The following SYNC variants were observed in gnomAD, a reference collection of about 807,000 sequenced individuals.
SYNC encodes the protein syncoilin, intermediate filament protein.
SYNC carries 38 observed loss-of-function variants against 49.5 expected under a neutral mutation model. That is an observed-to-expected ratio of 0.77 (90% CI 0.59 to 1.01). The LOEUF (loss-of-function observed/expected upper bound fraction) is 1.01, where lower values mean the gene tolerates loss of function less well. SYNC is among the 50% of genes least tolerant of loss of function. The probability of loss-of-function intolerance (pLI) is 0.00; values close to 1 mark genes in which losing one functional copy is unlikely to be tolerated. For missense variants in SYNC, 579 were observed against 580.6 expected (o/e 1.00, Z 0.03); for synonymous variants, 201 against 230.8 (o/e 0.87, Z 1.17).
chr1:32,689,235 CTTTTTTTTTTTTTTT>C lies in SYNC; in HGVS notation c.1234-4868_1234-4854del, dbSNP rs71006360. Among the ~76,000 whole-genome samples the C allele has an allele frequency of 4.8e-5, 2 of 41,536 alleles. 1 individual carries two copies. The highest frequency in any genetic ancestry group is 9.8e-5 in the Non-Finnish European group (2 of 20,370). The allele number at this position is 41,536 out of a possible 152,430, so 27.2% of individuals were successfully genotyped here. ...ACAGGCGTGAGGCACCTCGCCTGGC[CTTTTTTTTTTTTTTT>C]TTTTTTTTTTTTTTGAGGTGAGTCA... On this transcript the variant is annotated intron_variant, in intron 2 of 4. Transcript: ENST00000409190.
chr1:32,696,456 CT>C (rs1052761129), intron 1 of SYNC, among the ~76,000 whole-genome samples: 13 of 147,922 alleles, frequency 8.8e-5, no homozygotes, highest in Admixed American at 1.4e-4. Context: ...ACCACCACGC[CT>C]TTTTTTTTTG....
At chr1:32,699,728 C>CTTTTT (rs58903413) in intron 1 of SYNC, among the ~76,000 whole-genome samples, 4 of 125,982 alleles carry the variant, frequency 3.2e-5, no homozygotes, top group African/African-American at 2.9e-5. Context: ...CCAAACATAC[C>CTTTTT]TTTTTTTTTT....
intron 2 of SYNC, among the ~76,000 whole-genome samples, chr1:32,687,834 A>AT (rs1649943031): frequency 2.1e-4 from 1 of 4,762 alleles, no homozygotes; most frequent in Non-Finnish European, 1.5e-3. Context: ...TGCCCAGTGA[A>AT]TTATTATTAT....
At chr1:32,690,912 C>A (rs1039725549) in intron 2 of SYNC, among the ~76,000 whole-genome samples, 2 of 151,966 alleles carry the variant, frequency 1.3e-5, no homozygotes, top group African/African-American at 4.8e-5. Context: ...TACGGTGAAA[C>A]CCCGTCCCTA....
chr1:32,703,110 G>C (rs1412007164), upstream of SYNC: 1 of 152,066 alleles, frequency 6.6e-6, no homozygotes, highest in Non-Finnish European at 1.5e-5. Flanking sequence ...CGAGTGTTTG[G>C]GGGTGTCCGC....
chr1:32,687,833 A>AATTATTATTATTATTATTATT (rs148661520), intron 2 of SYNC, among the ~76,000 whole-genome samples: 3,491 of 38,148 alleles, frequency 0.092, 116 homozygotes, highest in Middle Eastern at 0.14. Flanking sequence ...CTGCCCAGTG[A>AATTATTATTATTATTATTATT]ATTATTATTA....
At chr1:32,689,384 G>A (rs968405490) in intron 2 of SYNC, among the ~76,000 whole-genome samples, 1 of 151,134 alleles carries the variant, frequency 6.6e-6, no homozygotes, top group African/African-American at 2.4e-5. Flanking sequence ...GATTACAGGT[G>A]CCTACCACCA....
intron 1 of SYNC, among the ~76,000 whole-genome samples, chr1:32,699,474 T>G (rs930413192): frequency 6.6e-6 from 1 of 151,742 alleles, no homozygotes; most frequent in African/African-American, 2.4e-5. Context: ...CCTTTCTATC[T>G]TAGAAAGACT....
At chr1:32,689,960 AAGTT>A (rs1458976036) in intron 2 of SYNC, among the ~76,000 whole-genome samples, 9 of 151,360 alleles carry the variant, frequency 5.9e-5, no homozygotes, top group Non-Finnish European at 1.0e-4. Context: ...AAAAAAAAGT[AAGTT>A]GATGAAATAG....
intron 2 of SYNC, among the ~76,000 whole-genome samples, chr1:32,688,794 G>C (rs1376581934): frequency 6.6e-6 from 1 of 151,768 alleles, no homozygotes; most frequent in African/African-American, 2.4e-5. Context: ...TGTTAGCCAG[G>C]ATGGTCTCGA....
At chr1:32,699,993 A>G (rs1380326365) in intron 1 of SYNC, among the ~76,000 whole-genome samples, 1 of 151,946 alleles carries the variant, frequency 6.6e-6, no homozygotes, top group Non-Finnish European at 1.5e-5. Context: ...CGGCCTCCCA[A>G]AGTGCTGGGA....
chr1:32,684,815 A>G (rs1649708571), intron 2 of SYNC: 1 of 156,632 alleles, frequency 6.4e-6, no homozygotes, highest in Admixed American at 6.2e-5. Flanking sequence ...ACAATTATTA[A>G]ATATTGGCTA....
chr1:32,694,662 A>AG (rs1650317640), intron 2 of SYNC, among the ~76,000 whole-genome samples: 1 of 152,070 alleles, frequency 6.6e-6, no homozygotes, highest in African/African-American at 2.4e-5. Context: ...TCAAAAAAAA[A>AG]AAAACAAAAA....
chr1:32,689,438 A>G (rs1650052217), intron 2 of SYNC, among the ~76,000 whole-genome samples: 1 of 151,004 alleles, frequency 6.6e-6, no homozygotes, highest in African/African-American at 2.4e-5. Context: ...ACAGGGTTTC[A>G]CCATCTTGGC....
intron 2 of SYNC, among the ~76,000 whole-genome samples, chr1:32,690,505 C>G (rs1650106672): frequency 6.6e-6 from 1 of 151,542 alleles, no homozygotes; most frequent in East Asian, 1.9e-4. Flanking sequence ...ATTAGCGAGG[C>G]CTGGTGGCGG....
intron 1 of SYNC, among the ~76,000 whole-genome samples, chr1:32,696,253 C>T (rs1304590077): frequency 6.6e-6 from 1 of 152,080 alleles, no homozygotes; most frequent in African/African-American, 2.4e-5. Flanking sequence ...ACCATATGGT[C>T]TCTGCTTATG....
intron 2 of SYNC, among the ~76,000 whole-genome samples, chr1:32,688,065 C>G (rs1649974704): frequency 6.6e-6 from 1 of 151,820 alleles, no homozygotes; most frequent in African/African-American, 2.4e-5. Context: ...GAACTCCTGA[C>G]CTCAGGTGAT....
Position 32,681,588 on chromosome 1 carries a change from TCTTTC to T in SYNC, c.*257_*261del. 2 of 578,222 alleles carry T rather than the reference TCTTTC, an allele frequency of 3.5e-6. No homozygotes were observed. The highest frequency in any genetic ancestry group is 6.1e-6 in the Non-Finnish European group (2 of 325,578). The allele number at this position is 578,222 out of a possible 1,614,324, so 35.8% of individuals were successfully genotyped here. A position where few individuals can be genotyped will look rare whatever the true frequency, so the allele number is the denominator to read the frequency against. ...TTGTTGCTGGAAGACAGGAGGCTCATCTTTCCTTTCCTTGGTGCATTGAGATCAGT... is the reference window on the plus strand; with the variant it reads ...TTGTTGCTGGAAGACAGGAGGCTCATCTTTCCTTGGTGCATTGAGATCAGT... On this transcript the variant is annotated 3_prime_UTR_variant, in exon 5 of 5. Coordinates refer to ENST00000409190, the MANE Select transcript of SYNC (RefSeq NM_030786.3).
rs191705416 is a variant in SYNC at position 32,681,558 on chromosome 1, G to C, written c.*292C>G. ...TTCATCCTTCACTCAGTGCATATGT[G>C]AGGGTTGTTGCTGGAAGACAGGAGG... is the stretch of plus-strand genomic sequence containing the variant. On this transcript the variant is annotated 3_prime_UTR_variant, in exon 5 of 5. Coordinates refer to ENST00000409190, the MANE Select transcript of SYNC (RefSeq NM_030786.3). The C allele has an allele frequency of 7.3e-6, 4 of 544,374 alleles. No homozygotes were observed. In the African/African-American group the frequency reaches 7.6e-5, roughly 10 times the overall value. The allele number at this position is 544,374 out of a possible 1,614,324, so 33.7% of individuals were successfully genotyped here.
Sources: gnomAD v4.1 joint callset for allele counts (sites outside exome capture counted in the v4.1 genomes callset) on GRCh38, gnomAD v4.1.1 for gene constraint, MANE v1.5 for transcripts, NCBI Gene and HGNC (gene_info 2026-07-23, HGNC 2026-07-21) for gene names.